Variants in STARD9 observed in about 807,000 individuals in gnomAD.
The protein encoded by STARD9 is stAR-related lipid transfer protein 9.
A neutral mutation model predicts 399.8 loss-of-function variants in STARD9; 346 were observed. The observed-to-expected ratio is 0.87, with a 90% CI of 0.79 to 0.95. The LOEUF (loss-of-function observed/expected upper bound fraction) is 0.95. STARD9 is among the 40% of genes least tolerant of loss of function. The pLI is 0.00. For synonymous variants in STARD9, 2,203 were observed against 2,143.5 expected (o/e 1.03, Z -0.77); for missense variants, 5,832 against 5,667.5 (o/e 1.03, Z -0.93).
Position 42,694,573 on chromosome 15 carries a change from A to T in STARD9, c.12810A>T (p.Arg4270=). The change falls in exon 24 of 33, where the codon CGA becomes CGT. Residue 4270 remains arginine (R), a synonymous_variant. Coordinates refer to ENST00000290607, the MANE Select transcript of STARD9 (RefSeq NM_020759.3). ...CCCTCAGGAGAGAGCGGGCTGAGCGACTTGGGAACTTCTGCCGGACGCGAA... is the reference window on the plus strand; with the variant it reads ...CCCTCAGGAGAGAGCGGGCTGAGCGTCTTGGGAACTTCTGCCGGACGCGAA... ...IETLRRERAE[R]LGNFCRTRSL... is the part of the protein sequence containing the mutation. The T allele has an allele frequency of 6.5e-7, 1 of 1,537,216 alleles. No homozygotes were observed. Among genetic ancestry groups the T allele is most frequent in the South Asian group, 1.2e-5 (1 of 84,054 alleles).
chr15:42,718,711 C>G, intron 31 of STARD9, 41 bp from the exon 32 acceptor site: 1 of 1,530,624 alleles, frequency 6.5e-7, no homozygotes, highest in African/African-American at 1.4e-5. Context: ...CTGTTTTGTC[C>G]ACACTACACA....
intron 1 of STARD9, among the ~76,000 whole-genome samples, chr15:42,580,738 G>C (rs1206323837): frequency 6.6e-6 from 1 of 152,168 alleles, no homozygotes; most frequent in Non-Finnish European, 1.5e-5. Context: ...CTTGAACCCG[G>C]GAGGCAGAGG....
At position 42,576,997 on chromosome 15, in the gene STARD9, T is replaced by TG. The variant is rs767112517; in HGVS notation, c.47+1243dup. 1.3e-3 allele frequency among the ~76,000 whole-genome samples: 199 copies of TG among 151,866 alleles called. 1 individual carries two copies. The highest frequency in any genetic ancestry group is 5.2e-3 in the East Asian group (27 of 5,168). On this transcript the variant is annotated intron_variant, in intron 1 of 32. Coordinates refer to ENST00000290607, the MANE Select transcript of STARD9 (RefSeq NM_020759.3). ...ATAACTGGATGTGGTAGCTCAGGGC[T>TG]GGGGGGGGTTTTATAAGTGCAGATG... is the stretch of plus-strand genomic sequence containing the variant.
At chr15:42,642,886 A>G (rs528705718) in intron 7 of STARD9, among the ~76,000 whole-genome samples, 2 of 152,058 alleles carry the variant, frequency 1.3e-5, no homozygotes, top group African/African-American at 4.8e-5. Context: ...GCAGCCTCAA[A>G]CTCCTGGACT....
intron 3 of STARD9, among the ~76,000 whole-genome samples, chr15:42,594,141 C>T (rs1319460741): frequency 6.6e-6 from 1 of 152,076 alleles, no homozygotes; most frequent in Non-Finnish European, 1.5e-5. Context: ...TGGTGAATAT[C>T]TTTTCCAATT....
Position 42,719,636 on chromosome 15 carries a change from T to A in STARD9, c.*62T>A. On this transcript the variant is annotated 3_prime_UTR_variant, in exon 33 of 33. Transcript: ENST00000290607. Reference sequence around the variant, plus strand: ...CCCAGGCTGCTCAAGAGAGACACTGTGGCAGCTCCTTGTTACTTTCCATAC... The same window carrying A: ...CCCAGGCTGCTCAAGAGAGACACTGAGGCAGCTCCTTGTTACTTTCCATAC... 1 of 1,077,960 alleles carries A rather than the reference T, an allele frequency of 9.3e-7. No homozygotes were observed. Among genetic ancestry groups the A allele is most frequent in the Non-Finnish European group, 1.4e-6 (1 of 738,050 alleles). The allele number at this position is 1,077,960 out of a possible 1,614,324, so 66.8% of individuals were successfully genotyped here. A position where few individuals can be genotyped will look rare whatever the true frequency, so the allele number is the denominator to read the frequency against.
intron 20 of STARD9, among the ~76,000 whole-genome samples, chr15:42,679,640 G>A (rs150696104): frequency 2.1e-4 from 32 of 152,278 alleles, no homozygotes; most frequent in African/African-American, 6.0e-4. Flanking sequence ...AGGCAGGGGC[G>A]GCAAACATTT....
At position 42,694,993 on chromosome 15, in the gene STARD9, G is replaced by C. The variant is rs2060809663; in HGVS notation, c.12963-147G>C. ...TTCTCTCTGTCCAGCAACCTCTCCT[G>C]AGGCTAAAAAATCATACTTTAAAAC... On this transcript the variant is annotated intron_variant, in intron 24 of 32. Coordinates refer to ENST00000290607, the MANE Select transcript of STARD9 (RefSeq NM_020759.3). 3 of 794,074 alleles carry C rather than the reference G, an allele frequency of 3.8e-6. No homozygotes were observed. The South Asian group carries it at 5.7e-5, about 15-fold the overall frequency. The allele number at this position is 794,074 out of a possible 1,614,324, so 49.2% of individuals were successfully genotyped here.
At chr15:42,661,561 C>T (rs1037211786) in intron 10 of STARD9, among the ~76,000 whole-genome samples, 3 of 152,252 alleles carry the variant, frequency 2.0e-5, no homozygotes, top group African/African-American at 7.2e-5. Flanking sequence ...CCTCCTGCCT[C>T]AGCCTCTGGA....
chr15:42,671,060 AT>A (rs2060193471), intron 16 of STARD9: 1 of 151,826 alleles, frequency 6.6e-6, no homozygotes, highest in South Asian at 2.1e-4. Flanking sequence ...GTTAAAGGAC[AT>A]GACTATTAGA....
rs34614271 is a variant in STARD9, at chr15:42,699,392, C to CTTTTTTTTTTTTTTTTTTTTTTTTTTTT, written c.13284+3532_13284+3533insTTTTTTTTTTTTTTTTTTTTTTTTTTTT. Among the ~76,000 whole-genome samples, 42 of 113,278 alleles carry CTTTTTTTTTTTTTTTTTTTTTTTTTTTT rather than the reference C, an allele frequency of 3.7e-4. 3 individuals carry two copies. The highest frequency in any genetic ancestry group is 1.7e-3 in the African/African-American group (41 of 24,516). 74.3% of individuals were successfully genotyped at this position (113,278 alleles called of 152,430 possible). ...TCTATGAGATCAACTTTTTTCTTTT[C>CTTTTTTTTTTTTTTTTTTTTTTTTTTTT]TTTTTTTTTTTTTTTTTTTTGAGAT... is the stretch of plus-strand genomic sequence containing the variant. On this transcript the variant is annotated intron_variant, in intron 26 of 32. Transcript: ENST00000290607.
rs117731492 is a variant in STARD9 at position 42,642,655 on chromosome 15, A to G, written c.559+3843A>G. The stretch of plus-strand genomic sequence containing the variant: ...TGCATAAACTAGGACCTCTAGTACA[A>G]TAGTAAATAAAAGTGGTGACAGTCT... On this transcript the variant is annotated intron_variant, in intron 7 of 32. Coordinates refer to ENST00000290607, the MANE Select transcript of STARD9 (RefSeq NM_020759.3). 6.1e-3 allele frequency among the ~76,000 whole-genome samples: 932 copies of G among 152,314 alleles called. 15 individuals are homozygous for G. The highest frequency in any genetic ancestry group is 0.058 in the East Asian group (300 of 5,186).
rs897718332 is a variant in STARD9, at chr15:42,593,910, C to T, written c.234+8273C>T. ...GTCTTGATCTCCTGACCTCATGATC[C>T]GCCCGCCTCGGCCTCCCAAAGTTCT... On this transcript the variant is annotated intron_variant, in intron 3 of 32. Transcript: ENST00000290607. 1.5e-4 allele frequency among the ~76,000 whole-genome samples: 23 copies of T among 151,952 alleles called. No homozygotes were observed. The South Asian group carries it at 2.1e-3, about 14-fold the overall frequency.
intron 3 of STARD9, among the ~76,000 whole-genome samples, chr15:42,626,285 CTCTTCCTCTTCCTCCCCT>C (rs1566884565): frequency 1.5e-5 from 2 of 136,786 alleles, no homozygotes; most frequent in Non-Finnish European, 3.1e-5. Flanking sequence ...CCTCTTCCTC[CTCTTCCTCTTCCTCCCCT>C]TCTTCCTCTT....
intron 3 of STARD9, among the ~76,000 whole-genome samples, chr15:42,622,541 C>T (rs1009698279): frequency 3.9e-5 from 6 of 152,138 alleles, no homozygotes; most frequent in Admixed American, 2.0e-4. Flanking sequence ...GATGTCTCTC[C>T]GTTTTGGATC....
At chr15:42,624,660 T>G (rs2059161310) in intron 3 of STARD9, among the ~76,000 whole-genome samples, 1 of 152,068 alleles carries the variant, frequency 6.6e-6, no homozygotes, top group Non-Finnish European at 1.5e-5. Flanking sequence ...GTGATTCTTC[T>G]GCCCAAGCCT....
chr15:42,604,308 T>A (rs2058687827), intron 3 of STARD9, among the ~76,000 whole-genome samples: 1 of 152,196 alleles, frequency 6.6e-6, no homozygotes, highest in African/African-American at 2.4e-5. Flanking sequence ...GATTTTTTTA[T>A]TTGTGGAAGC....
chr15:42,648,962 CCTG>C (rs2059701388), intron 7 of STARD9, among the ~76,000 whole-genome samples: 1 of 151,982 alleles, frequency 6.6e-6, no homozygotes, highest in Admixed American at 6.6e-5. Context: ...GTTTTGGACT[CCTG>C]GGCTCAAGGG....
At position 42,686,989 on chromosome 15, in the gene STARD9, A is replaced by G; in HGVS notation, c.5411A>G (p.Asn1804Ser). ...LKNNLPVLLQ[N>S]QNSKIASSQQ... ...AATAATTTGCCAGTGCTGTTACAAA[A>G]CCAGAATTCTAAGATTGCCTCATCT... is the stretch of plus-strand genomic sequence containing the variant. Residue 1804 changes from asparagine (N) to serine (S), a missense_variant, in exon 23 of 33, where the codon AAC becomes AGC. Asn to Ser is a conservative substitution (Grantham distance 46, BLOSUM62 1). Around this residue, in one of 2 missense-constraint regions of STARD9, gnomAD observed 5,828 missense variants for 5,651.1 expected, o/e 1.03. Coordinates refer to ENST00000290607, the MANE Select transcript of STARD9 (RefSeq NM_020759.3). The G allele has an allele frequency of 6.5e-7, 1 of 1,536,628 alleles. No individual in the cohort carries two copies.
Sources: gnomAD v4.1 joint callset for allele counts (sites outside exome capture counted in the v4.1 genomes callset) on GRCh38, gnomAD v4.1.1 for gene constraint, gnomAD v4.1.1 regional missense constraint, MANE v1.5 for transcripts, NCBI Gene and HGNC (gene_info 2026-07-23, HGNC 2026-07-21) for gene names.